Variants in FGD5 observed in about 807,000 individuals in gnomAD.
FGD5 encodes the protein FYVE, RhoGEF and PH domain containing 5.
Under a neutral mutation model 133.4 loss-of-function variants are expected in FGD5, and 28 were observed. That is an observed-to-expected ratio of 0.21 (90% CI 0.16 to 0.29). The LOEUF (loss-of-function observed/expected upper bound fraction) is 0.29. Ranked by LOEUF, FGD5 falls within the 10% of genes least tolerant of loss-of-function variation. The probability of loss-of-function intolerance (pLI) is 1.00; values close to 1 mark genes in which losing one functional copy is unlikely to be tolerated. For synonymous variants in FGD5, 810 were observed against 776.5 expected (o/e 1.04, Z -0.72); for missense variants, 1,858 against 1,895.2 (o/e 0.98, Z 0.36).
In FGD5 at chr3:14,897,663, C is replaced by T; in HGVS notation, c.2903C>T (p.Ser968Leu). 5.6e-6 allele frequency: 9 copies of T among 1,602,636 alleles called. No individual in the cohort carries two copies. The highest frequency in any genetic ancestry group is 7.7e-6 in the Non-Finnish European group (9 of 1,174,688). ...CTGGAGGAGCTGGAGGAAAGGCTGT[C>T]AAATTGGTGAGCAGTCCCTGGACCC... ...GILEELEERL[S>L]NWESQQKVAD... The change falls in exon 5 of 20, where the codon TCA becomes TTA. Residue 968 changes from serine (S) to leucine (L), a missense_variant. By Grantham distance (145) the Ser-to-Leu change is moderately radical. Coordinates refer to ENST00000285046, the MANE Select transcript of FGD5 (RefSeq NM_152536.4).
At chr3:14,853,672 G>GTTTTTTTT (rs2037213722) in intron 1 of FGD5, among the ~76,000 whole-genome samples, 1 of 67,278 alleles carries the variant, frequency 1.5e-5, no homozygotes, top group East Asian at 6.5e-4. Context: ...TTTTTTACGA[G>GTTTTTTTT]TTATTAGGCC....
rs554284996 is a variant in FGD5, at chr3:14,896,047, A to G, written c.2749-1462A>G. ...ATCCCATTTATCATAGCTACAAAGG[A>G]TATAAAATACCTAGGAATCAATTTA... On this transcript the variant is annotated intron_variant, in intron 4 of 19. Transcript: ENST00000285046. 2.6e-5 allele frequency among the ~76,000 whole-genome samples: 4 copies of G among 152,356 alleles called. No homozygotes were observed. The South Asian group carries it at 8.3e-4, about 32-fold the overall frequency.
chr3:14,870,229 A>G (rs1689571), intron 2 of FGD5, among the ~76,000 whole-genome samples: 21,910 of 152,178 alleles, frequency 0.14, 1,910 homozygotes, highest in East Asian at 0.39. Flanking sequence ...AGGAGGGCGG[A>G]GAGAGTCTGT....
At chr3:14,837,524 C>T (rs1362936116) in intron 1 of FGD5, among the ~76,000 whole-genome samples, 3 of 152,126 alleles carry the variant, frequency 2.0e-5, no homozygotes, top group East Asian at 1.9e-4. Flanking sequence ...CTAGGTTTTG[C>T]GGCTTTTCAG....
Position 14,820,246 on chromosome 3 carries a change from C to A in FGD5, c.1175C>A (p.Ala392Asp). ...LRAEENPMVG[A>D]LCGQCGSLQG... is the part of the protein sequence containing the mutation. ...GCGGAGGAGAACCCCATGGTGGGGG[C>A]TTTGTGTGGCCAGTGTGGCTCCCTA... Residue 392 changes from alanine (A) to aspartate (D), a missense_variant, in exon 1 of 20, where the codon GCT (alanine) becomes GAT (aspartate). Ala to Asp is a moderately radical substitution (Grantham distance 126). This residue lies in a region of FGD5 where 1,824 missense variants were observed against 1,848.9 expected (regional missense o/e 0.99). Coordinates refer to ENST00000285046, the MANE Select transcript of FGD5 (RefSeq NM_152536.4). The A allele has an allele frequency of 6.2e-7, 1 of 1,604,652 alleles. No individual in the cohort carries two copies. Among genetic ancestry groups the A allele is most frequent in the South Asian group, 1.1e-5 (1 of 89,524 alleles).
At chr3:14,857,608 T>C (rs1262718376) in intron 1 of FGD5, among the ~76,000 whole-genome samples, 6 of 152,160 alleles carry the variant, frequency 3.9e-5, no homozygotes, top group African/African-American at 1.4e-4. Flanking sequence ...AGGAAACAGA[T>C]ATGAAGTTGC....
intron 1 of FGD5, among the ~76,000 whole-genome samples, chr3:14,830,261 C>T (rs184955584): frequency 5.3e-5 from 8 of 152,322 alleles, no homozygotes; most frequent in Non-Finnish European, 7.3e-5. Context: ...ATGCATGTGG[C>T]TGTGCTTCTT....
rs1320831482 is a variant in FGD5, at chr3:14,843,705, G to GTTTTTTTTTT, written c.2526-20423_2526-20422insTTTTTTTTTT. ...AGGGTGCTTTTTTTTTTTTTTTTTG[G>GTTTTTTTTTT]GGGGAGACAGAGTCTCATTCTGTCG... On this transcript the variant is annotated intron_variant, in intron 1 of 19. Transcript: ENST00000285046. Among the ~76,000 whole-genome samples, 2 of 110,422 alleles carry GTTTTTTTTTT rather than the reference G, an allele frequency of 1.8e-5. 1 individual carries two copies. 72.4% of individuals were successfully genotyped at this position (110,422 alleles called of 152,430 possible). A position where few individuals can be genotyped will look rare whatever the true frequency, so the allele number is the denominator to read the frequency against.
At chr3:14,883,900 C>T (rs1009925912) in intron 4 of FGD5, among the ~76,000 whole-genome samples, 2 of 152,150 alleles carry the variant, frequency 1.3e-5, no homozygotes, top group African/African-American at 4.8e-5. Flanking sequence ...CGGAGTTCAC[C>T]AGGCCAGGGT....
At chr3:14,889,471 C>G (rs554949447) in intron 4 of FGD5, among the ~76,000 whole-genome samples, 177 of 152,258 alleles carry the variant, frequency 1.2e-3, no homozygotes, top group African/African-American at 4.1e-3. Context: ...TGCTCCTGTG[C>G]ATGAACACGT....
intron 1 of FGD5, among the ~76,000 whole-genome samples, chr3:14,839,332 C>G (rs2036873087): frequency 6.6e-6 from 1 of 152,168 alleles, no homozygotes; most frequent in Non-Finnish European, 1.5e-5. Context: ...TTTCGTAGAC[C>G]ACAGCCAGTG....
At chr3:14,880,811 T>G in intron 4 of FGD5, 39 bp downstream of exon 4, 1 of 1,606,710 alleles carries the variant, frequency 6.2e-7, no homozygotes, top group Non-Finnish European at 8.5e-7. Flanking sequence ...CTAATTGCCC[T>G]TTTACAAGTC....
At chr3:14,841,105 T>C (rs965342868) in intron 1 of FGD5, among the ~76,000 whole-genome samples, 7 of 152,136 alleles carry the variant, frequency 4.6e-5, no homozygotes, top group Non-Finnish European at 7.3e-5. Context: ...GATGCACCCA[T>C]TTGTAACTGA....
At chr3:14,924,414 C>G (rs530197564) in intron 17 of FGD5, among the ~76,000 whole-genome samples, 2 of 152,282 alleles carry the variant, frequency 1.3e-5, no homozygotes, top group East Asian at 3.9e-4. Flanking sequence ...CCCAAGCAGA[C>G]TGCACAGATC....
chr3:14,921,021 T>C (rs2038669532), intron 13 of FGD5, among the ~76,000 whole-genome samples: 1 of 152,334 alleles, frequency 6.6e-6, no homozygotes, highest in South Asian at 2.1e-4. Flanking sequence ...TAGTTTCTGT[T>C]AGTCCGGCCA....
At chr3:14,845,958 T>A in intron 1 of FGD5, among the ~76,000 whole-genome samples, 1 of 152,088 alleles carries the variant, frequency 6.6e-6, no homozygotes, top group Admixed American at 6.5e-5. Context: ...TATGTGCTGC[T>A]CAGAGGCTGG....
intron 4 of FGD5, among the ~76,000 whole-genome samples, chr3:14,889,453 G>A (rs1169701033): frequency 6.6e-6 from 1 of 152,152 alleles, no homozygotes; most frequent in Admixed American, 6.5e-5. Flanking sequence ...CTATAGTCGG[G>A]TTGTCTGTGC....
intron 9 of FGD5, among the ~76,000 whole-genome samples, chr3:14,907,361 T>G (rs1284631321): frequency 1.4e-4 from 22 of 152,074 alleles, no homozygotes; most frequent in Admixed American, 1.4e-3. Flanking sequence ...AGACATAGGC[T>G]TAGAGAGCGT....
intron 1 of FGD5, among the ~76,000 whole-genome samples, chr3:14,840,436 C>T (rs1188755334): frequency 2.0e-5 from 3 of 152,208 alleles, no homozygotes; most frequent in African/African-American, 4.8e-5. Flanking sequence ...TGAGCCACCA[C>T]GCCCAGCCTA....
Sources: gnomAD v4.1 joint callset for allele counts (sites outside exome capture counted in the v4.1 genomes callset) on GRCh38, gnomAD v4.1.1 for gene constraint, gnomAD v4.1.1 regional missense constraint, MANE v1.5 for transcripts, NCBI Gene and HGNC (gene_info 2026-07-23, HGNC 2026-07-21) for gene names.